Variants in BSCL2 observed in about 807,000 individuals in gnomAD.
BSCL2 encodes BSCL2 lipid droplet biogenesis associated, seipin, also known as seipin.
A neutral mutation model predicts 57.4 loss-of-function variants in BSCL2; 41 were observed. The ratio of observed to expected loss-of-function variants is 0.71; its 90% CI spans 0.56 to 0.93. BSCL2 has a LOEUF of 0.93. BSCL2 is among the 40% of genes least tolerant of loss of function. BSCL2 has a pLI of 0.00. For synonymous variants in BSCL2, 237 were observed against 227.3 expected, an observed-to-expected ratio of 1.04 and a Z score of -0.38; for missense variants, 539 against 586.7, an observed-to-expected ratio of 0.92 and a Z score of 0.84.
At chr11:62,701,917 T>C (rs1945655643) in intron 3 of BSCL2, among the ~76,000 whole-genome samples, 1 of 152,094 alleles carries the variant, frequency 6.6e-6, no homozygotes, top group African/African-American at 2.4e-5. Context: ...TATGTCGCTT[T>C]TGCACCACAG....
intron 3 of BSCL2, among the ~76,000 whole-genome samples, chr11:62,701,939 ATTCT>A (rs934136739): frequency 1.3e-5 from 2 of 152,144 alleles, no homozygotes; most frequent in Non-Finnish European, 2.9e-5. Context: ...AAGTTGAAAA[ATTCT>A]TAAGTTGAAT....
chr11:62,694,327 T>C (rs1350525495), intron 4 of BSCL2, among the ~76,000 whole-genome samples: 1 of 144,614 alleles, frequency 6.9e-6, no homozygotes, highest in Non-Finnish European at 1.5e-5. Flanking sequence ...CCTCAGCCTC[T>C]AGAGTAGCTG....
upstream of BSCL2, chr11:62,708,116 C>T: frequency 3.2e-6 from 2 of 621,004 alleles, no homozygotes; most frequent in African/African-American, 3.7e-5. Context: ...CCTCATCCCA[C>T]CCTATTTTTT....
At position 62,690,371 on chromosome 11, in the gene BSCL2, G is replaced by A; in HGVS notation, c.1385C>T (p.Ser462Phe). ...TGAGGAGTCTGCCCCTTTTCTTCAG[G>A]AACTAGAGCAGGTGGGGCGCTGTCG... ...ALRQRPTCSS[S>F] The change falls in exon 11 of 11, where the codon TCC becomes TTC. Residue 462 changes from serine to phenylalanine, a missense_variant. This residue lies in a region of BSCL2 where 248 missense variants were observed against 239.9 expected (regional missense o/e 1.03). Transcript: ENST00000360796. 6.2e-7 allele frequency: 1 copy of A among 1,614,008 alleles called. No individual in the cohort carries two copies. The highest frequency in any genetic ancestry group is 8.5e-7 in the Non-Finnish European group (1 of 1,180,036).
In BSCL2 at chr11:62,705,337, G is replaced by A. The variant is rs1308826157; in HGVS notation, c.368C>T (p.Thr123Ile). The change falls in exon 2 of 11, where the codon ACA (threonine) becomes ATA (isoleucine). Residue 123 changes from threonine (T) to isoleucine (I), a missense_variant. By Grantham distance (89) the Thr-to-Ile change is moderately conservative (BLOSUM62 -1). This residue lies in a region of BSCL2 where 218 missense variants were observed against 224.8 expected (regional missense o/e 0.97). Transcript: ENST00000360796. ...YGSFYYSYMP[T>I]VSHLSPVHFY... ...ATGCACAGGGCTGAGGTGGCTGACT[G>A]TCGGCATATAGGAATAGTAGAAGGA... 2 of 1,613,804 alleles carry A rather than the reference G, an allele frequency of 1.2e-6. No homozygotes were observed. The highest frequency in any genetic ancestry group is 1.1e-5 in the South Asian group (1 of 91,022).
At chr11:62,707,767 A>T, upstream of BSCL2, 1 of 277,866 alleles carries the variant, frequency 3.6e-6, no homozygotes, top group Admixed American at 4.8e-5. Flanking sequence ...GGCCCTCCCC[A>T]GGGGCCTCCT....
upstream of BSCL2, chr11:62,709,480 C>A (rs1274394572): frequency 4.8e-5 from 22 of 453,856 alleles, 1 homozygote; most frequent in Admixed American, 4.7e-4. Flanking sequence ...GGGGAGGGTG[C>A]GGGAGTGCAG....
intron 3 of BSCL2, among the ~76,000 whole-genome samples, chr11:62,699,681 T>G (rs2134720863): frequency 6.8e-6 from 1 of 146,136 alleles, no homozygotes; most frequent in Admixed American, 6.9e-5. Context: ...TCTGGTTTTT[T>G]TTTTTTTTTT....
At chr11:62,706,118 G>T in intron 1 of BSCL2, 2 of 702,710 alleles carry the variant, frequency 2.8e-6, no homozygotes, top group Non-Finnish European at 3.6e-6. Context: ...TACACCCCAC[G>T]CCCGGCGGAG....
chr11:62,708,127 TC>T (rs2083573737), upstream of BSCL2: 1 of 628,522 alleles, frequency 1.6e-6, no homozygotes, highest in South Asian at 1.8e-5. Flanking sequence ...CCTATTTTTT[TC>T]CATGAGGAAT....
At chr11:62,705,159 G>T in intron 2 of BSCL2, 142 bp downstream of exon 2, 1 of 868,064 alleles carries the variant, frequency 1.2e-6, no homozygotes, top group Non-Finnish European at 1.8e-6. Context: ...ATCTAGCCTT[G>T]GGCTGTGAAA....
At position 62,691,346 on chromosome 11, in the gene BSCL2, G is replaced by A. The variant is rs200300686; in HGVS notation, c.939C>T (p.Ile313=). 185 of 1,614,196 alleles carry A rather than the reference G, an allele frequency of 1.1e-4. No individual in the cohort carries two copies. The East Asian group carries it at 2.8e-3, about 24-fold the overall frequency. The change falls in exon 7 of 11, where the codon ATC becomes ATT. Residue 313 remains isoleucine (I), a synonymous_variant. Transcript: ENST00000360796. ...VASNFTFLSV[I]VLFSYMQWVW... ...CCCACTGCATGTAGCTGAAGAGCAC[G>A]ATGACGCTGAGGAAGGTGAAGTTGC...
intron 1 of BSCL2, chr11:62,706,491 G>C (rs2083540949): frequency 2.5e-6 from 1 of 402,792 alleles, no homozygotes; most frequent in African/African-American, 2.1e-5. Flanking sequence ...TCCGGTTACC[G>C]TGACCAAAGG....
chr11:62,694,782 CCT>C, intron 3 of BSCL2, 71 bp from the exon 4 acceptor site: 1 of 1,535,294 alleles, frequency 6.5e-7, no homozygotes, highest in South Asian at 1.2e-5. Context: ...ATTCCACCTC[CCT>C]CTTAGCCCCC....
intron 3 of BSCL2, among the ~76,000 whole-genome samples, chr11:62,697,252 G>A (rs1250925870): frequency 1.3e-5 from 2 of 150,756 alleles, no homozygotes; most frequent in South Asian, 2.1e-4. Context: ...AAAATTAGCC[G>A]GGCATGGTGG....
chr11:62,708,973 C>T, upstream of BSCL2: 1 of 651,202 alleles, frequency 1.5e-6, no homozygotes, highest in Non-Finnish European at 2.7e-6. Context: ...ATCTGTCGAC[C>T]CCATTTCCTA....
chr11:62,695,875 A>T (rs1847950049), intron 3 of BSCL2, among the ~76,000 whole-genome samples: 1 of 151,780 alleles, frequency 6.6e-6, no homozygotes, highest in African/African-American at 2.4e-5. Context: ...TCTTATTGCC[A>T]GTCAGAACTA....
At chr11:62,699,260 C>A (rs978659789) in intron 3 of BSCL2, among the ~76,000 whole-genome samples, 4 of 151,584 alleles carry the variant, frequency 2.6e-5, no homozygotes, top group African/African-American at 7.3e-5. Context: ...TGCAGTGGCG[C>A]GATCTCGGCT....
In BSCL2 at chr11:62,691,113, C is replaced by T. The variant is rs202072835; in HGVS notation, c.1034G>A (p.Arg345Gln). 14 of 1,614,198 alleles carry T rather than the reference C, an allele frequency of 8.7e-6. No homozygotes were observed. The highest frequency in any genetic ancestry group is 5.3e-5 in the African/African-American group (4 of 75,050). Residue 345 changes from arginine (R) to glutamine (Q), a missense_variant, in exon 8 of 11, where the codon CGG becomes CAG. Physicochemically the swap from Arg to Gln is conservative, Grantham distance 43 (BLOSUM62 1). This residue lies in a region of BSCL2 where 248 missense variants were observed against 239.9 expected (regional missense o/e 1.03). Transcript: ENST00000360796. ...AGAGATCCTTCGTTGGACTTCCTTC[C>T]GGGAATTGTCTCTTTTTCGGATGTT... Reference protein sequence around the residue: ...QVNIRKRDNSRKEVQRRISAH... With the variant: ...QVNIRKRDNSQKEVQRRISAH...
Sources: gnomAD v4.1 joint callset for allele counts (sites outside exome capture counted in the v4.1 genomes callset) on GRCh38, gnomAD v4.1.1 for gene constraint, gnomAD v4.1.1 regional missense constraint, MANE v1.5 for transcripts, NCBI Gene and HGNC (gene_info 2026-07-23, HGNC 2026-07-21) for gene names.